OTUD7A: variants seen among roughly 807,000 people sequenced by gnomAD.
OTUD7A encodes OTU deubiquitinase 7A.
In OTUD7A, 12 loss-of-function variants were observed where a neutral mutation model predicts 65.7. That is an observed-to-expected ratio of 0.18 (90% CI 0.12 to 0.30). OTUD7A has a LOEUF of 0.30. Ranked by LOEUF, OTUD7A falls within the 10% of genes least tolerant of loss-of-function variation. OTUD7A has a pLI of 1.00. For synonymous variants in OTUD7A, 641 were observed against 586.3 expected (o/e 1.09, Z -1.35); for missense variants, 1,148 against 1,304.8 (o/e 0.88, Z 1.85).
At chr15:31,540,914 G>C (rs1887968459) in intron 5 of OTUD7A, among the ~76,000 whole-genome samples, 1 of 152,188 alleles carries the variant, frequency 6.6e-6, no homozygotes, top group Non-Finnish European at 1.5e-5. Context: ...AGGGAGGTCA[G>C]CTGGTGCACA....
intron 1 of OTUD7A, among the ~76,000 whole-genome samples, chr15:31,851,384 C>A (rs189441310): frequency 2.6e-5 from 4 of 152,268 alleles, no homozygotes; most frequent in African/African-American, 9.6e-5. Context: ...AGGTAGCAGG[C>A]AACCTATGAA....
intron 1 of OTUD7A, among the ~76,000 whole-genome samples, chr15:31,776,080 C>A (rs542722833): frequency 6.6e-6 from 1 of 152,228 alleles, no homozygotes; most frequent in African/African-American, 2.4e-5. Context: ...CCTGTCCACA[C>A]ACTGCAGAGG....
intron 10 of OTUD7A, among the ~76,000 whole-genome samples, chr15:31,496,430 G>C (rs1313454956): frequency 6.6e-6 from 1 of 152,018 alleles, no homozygotes; most frequent in East Asian, 1.9e-4. Flanking sequence ...CACCATGTTA[G>C]CCAGGATGGT....
At chr15:31,681,774 T>C (rs1892723812) in intron 1 of OTUD7A, among the ~76,000 whole-genome samples, 1 of 148,734 alleles carries the variant, frequency 6.7e-6, no homozygotes, top group Non-Finnish European at 1.5e-5. Context: ...CCTTTTCAGT[T>C]CCTTTCACTC....
intron 3 of OTUD7A, among the ~76,000 whole-genome samples, chr15:31,573,167 G>A (rs1287356043): frequency 1.3e-5 from 2 of 152,028 alleles, no homozygotes; most frequent in Non-Finnish European, 2.9e-5. Context: ...ATACTTCTTG[G>A]CAGCAACAGT....
At chr15:31,675,624 G>A (rs1892580157) in intron 1 of OTUD7A, among the ~76,000 whole-genome samples, 3 of 152,200 alleles carry the variant, frequency 2.0e-5, no homozygotes, top group Admixed American at 2.0e-4. Flanking sequence ...TTCCATCAAG[G>A]TTTAGAACAA....
intron 3 of OTUD7A, among the ~76,000 whole-genome samples, chr15:31,597,336 T>C (rs2141206299): frequency 6.6e-6 from 1 of 152,284 alleles, no homozygotes; most frequent in South Asian, 2.1e-4. Context: ...CTAAAACATG[T>C]TTGCCAACTC....
chr15:31,532,449 T>C (rs1027354167), intron 5 of OTUD7A, among the ~76,000 whole-genome samples: 27 of 151,494 alleles, frequency 1.8e-4, no homozygotes, highest in Non-Finnish European at 2.9e-4. Flanking sequence ...AAAAGCAGAT[T>C]GGAGAGAAGA....
At chr15:31,767,467 T>C (rs559915811) in intron 1 of OTUD7A, 7 of 773,086 alleles carry the variant, frequency 9.1e-6, no homozygotes, top group African/African-American at 6.8e-5. Context: ...AGGCACTTCA[T>C]GGCAGATAAT....
chr15:31,734,693 G>T (rs1894138495), intron 1 of OTUD7A, among the ~76,000 whole-genome samples: 1 of 151,806 alleles, frequency 6.6e-6, no homozygotes, highest in South Asian at 2.1e-4. Context: ...GGGATAACTG[G>T]CTAGCCATGT....
intron 3 of OTUD7A, among the ~76,000 whole-genome samples, chr15:31,614,197 T>C (rs892377461): frequency 6.6e-6 from 1 of 152,020 alleles, no homozygotes; most frequent in Non-Finnish European, 1.5e-5. Context: ...TAGGGTGCAG[T>C]GTATTACTGC....
intron 1 of OTUD7A, among the ~76,000 whole-genome samples, chr15:31,773,822 TC>T (rs1330997726): frequency 3.3e-5 from 5 of 152,334 alleles, no homozygotes; most frequent in African/African-American, 9.6e-5. Flanking sequence ...GCTCCACTCC[TC>T]AAAACATTTT....
chr15:31,835,498 C>T (rs569920385), intron 1 of OTUD7A, among the ~76,000 whole-genome samples: 15 of 152,188 alleles, frequency 9.9e-5, no homozygotes, highest in Admixed American at 7.2e-4. Context: ...GATTTTTCAC[C>T]GCAAATAATA....
chr15:31,724,183 G>A (rs1893822194), intron 1 of OTUD7A, among the ~76,000 whole-genome samples: 1 of 152,104 alleles, frequency 6.6e-6, no homozygotes, highest in Non-Finnish European at 1.5e-5. Flanking sequence ...ATTATCATTG[G>A]TGGCTTGTCT....
At chr15:31,534,639 T>G (rs1887736564) in intron 5 of OTUD7A, among the ~76,000 whole-genome samples, 1 of 152,156 alleles carries the variant, frequency 6.6e-6, no homozygotes, top group African/African-American at 2.4e-5. Flanking sequence ...GAGAACATGA[T>G]AGTTCACACA....
chr15:31,729,690 A>G (rs1054001105), intron 1 of OTUD7A, among the ~76,000 whole-genome samples: 46 of 152,140 alleles, frequency 3.0e-4, no homozygotes, highest in African/African-American at 1.1e-3. Context: ...CCTCACCCAC[A>G]TGCATGCCCT....
intron 1 of OTUD7A, among the ~76,000 whole-genome samples, chr15:31,699,912 C>A (rs1234250108): frequency 6.6e-6 from 1 of 151,984 alleles, no homozygotes; most frequent in African/African-American, 2.4e-5. Context: ...GCATTGTTAA[C>A]AAAGAAAATT....
chr15:31,811,698 C>T (rs564190346), intron 1 of OTUD7A, among the ~76,000 whole-genome samples: 3 of 152,174 alleles, frequency 2.0e-5, no homozygotes, highest in Non-Finnish European at 4.4e-5. Context: ...CTTGCCCTCA[C>T]AACTGCCTCA....
chr15:31,828,833 T>G (rs1896860986), intron 1 of OTUD7A, among the ~76,000 whole-genome samples: 1 of 152,072 alleles, frequency 6.6e-6, no homozygotes, highest in African/African-American at 2.4e-5. Context: ...CTCCCGCATC[T>G]CCCTCTCCCG....
Sources: allele counts gnomAD v4.1 joint callset (sites outside exome capture counted in the v4.1 genomes callset), GRCh38; gene constraint gnomAD v4.1.1; transcripts MANE v1.5; gene names NCBI Gene and HGNC (gene_info 2026-07-23, HGNC 2026-07-21).